The following SEMA3E variants were observed in gnomAD, a reference collection of about 807,000 sequenced individuals.
The protein encoded by SEMA3E is semaphorin-3E.
SEMA3E carries 49 observed loss-of-function variants against 93.6 expected under a neutral mutation model. The observed-to-expected ratio is 0.52, with a 90% CI of 0.42 to 0.66. SEMA3E has a LOEUF of 0.66. SEMA3E is among the 30% of genes least tolerant of loss of function. The probability of loss-of-function intolerance (pLI) is 0.00; values close to 1 mark genes in which losing one functional copy is unlikely to be tolerated. For missense variants in SEMA3E, 906 were observed against 964.8 expected, an observed-to-expected ratio of 0.94 and a Z score of 0.81; for synonymous variants, 363 against 330.7, an observed-to-expected ratio of 1.10 and a Z score of -1.06.
chr7:83,479,232 C>G (rs116494896), intron 2 of SEMA3E, among the ~76,000 whole-genome samples: 1 of 152,136 alleles, frequency 6.6e-6, no homozygotes, highest in Non-Finnish European at 1.5e-5. Context: ...TTTCTCTGTT[C>G]TCACTCTCAA....
chr7:83,582,463 C>T (rs1403042101), intron 1 of SEMA3E, among the ~76,000 whole-genome samples: 2 of 152,016 alleles, frequency 1.3e-5, no homozygotes, highest in Non-Finnish European at 2.9e-5. Flanking sequence ...GATGGTAAAC[C>T]ACTCTTTTCC....
intron 1 of SEMA3E, among the ~76,000 whole-genome samples, chr7:83,557,916 T>C (rs1294468104): frequency 6.6e-6 from 1 of 152,124 alleles, no homozygotes; most frequent in African/African-American, 2.4e-5. Context: ...TTCCAAAATA[T>C]TTAGCTTCTC....
chr7:83,370,932 C>A (rs17157549), intron 16 of SEMA3E, among the ~76,000 whole-genome samples: 9,038 of 152,128 alleles, frequency 0.059, 890 homozygotes, highest in African/African-American at 0.21. Flanking sequence ...CTATTTCTTG[C>A]CTGAGCAGTA....
chr7:83,629,337 T>C (rs1793739506), intron 1 of SEMA3E, among the ~76,000 whole-genome samples: 1 of 152,164 alleles, frequency 6.6e-6, no homozygotes, highest in Non-Finnish European at 1.5e-5. Context: ...TCAAGCGCTG[T>C]GCTGGTAGAG....
intron 14 of SEMA3E, among the ~76,000 whole-genome samples, chr7:83,391,759 G>C (rs1463199250): frequency 1.3e-5 from 2 of 152,048 alleles, no homozygotes; most frequent in Non-Finnish European, 2.9e-5. Flanking sequence ...AATGTTTACA[G>C]AAAAGTAACC....
At chr7:83,551,183 G>A (rs370485846) in intron 1 of SEMA3E, among the ~76,000 whole-genome samples, 364 of 152,016 alleles carry the variant, frequency 2.4e-3, no homozygotes, top group African/African-American at 8.6e-3. Context: ...ACACACTAAA[G>A]AAATGGTTTT....
At chr7:83,485,900 A>G (rs1355091687) in intron 2 of SEMA3E, among the ~76,000 whole-genome samples, 1 of 152,130 alleles carries the variant, frequency 6.6e-6, no homozygotes, top group Non-Finnish European at 1.5e-5. Context: ...CCTTTTCTGT[A>G]TGAAATGTTA....
chr7:83,641,541 T>A, intron 1 of SEMA3E: 2 of 206,282 alleles, frequency 9.7e-6, no homozygotes, highest in Non-Finnish European at 1.7e-5. Context: ...ATTTGGTCTG[T>A]TGTCTCCAAG....
chr7:83,436,199 C>T (rs571255658), intron 4 of SEMA3E, among the ~76,000 whole-genome samples: 52 of 151,438 alleles, frequency 3.4e-4, no homozygotes, highest in Middle Eastern at 3.4e-3. Context: ...TACACACACA[C>T]GCATACATAT....
chr7:83,515,916 A>G (rs1790918357), intron 1 of SEMA3E, among the ~76,000 whole-genome samples: 1 of 152,142 alleles, frequency 6.6e-6, no homozygotes, highest in Non-Finnish European at 1.5e-5. Context: ...AGTCCCAGCT[A>G]CTTGGGAGGC....
intron 7 of SEMA3E, among the ~76,000 whole-genome samples, chr7:83,406,635 T>C (rs984264509): frequency 1.3e-5 from 2 of 152,098 alleles, no homozygotes; most frequent in African/African-American, 4.8e-5. Flanking sequence ...TCTCTCAATA[T>C]ATGTTGCTAC....
chr7:83,365,699 C>T lies in SEMA3E; in HGVS notation c.*1887G>A, dbSNP rs1013118252. The T allele has an allele frequency of 6.6e-6, 1 of 152,058 alleles. No homozygotes were observed. The highest frequency in any genetic ancestry group is 1.5e-5 in the Non-Finnish European group (1 of 67,992). The allele number at this position is 152,058 out of a possible 1,614,324, so 9.4% of individuals were successfully genotyped here. A position where few individuals can be genotyped will look rare whatever the true frequency, so the allele number is the denominator to read the frequency against. On this transcript the variant is annotated 3_prime_UTR_variant, in exon 17 of 17. Transcript: ENST00000643230. ...ATGATAACTATTTATGTCTTATCTG[C>T]CTTTTTAATTTTAAAATTCAGATAC...
chr7:83,454,555 C>A (rs1257176026), intron 4 of SEMA3E, among the ~76,000 whole-genome samples: 5 of 151,818 alleles, frequency 3.3e-5, no homozygotes, highest in Admixed American at 1.3e-4. Flanking sequence ...CTTTTTGAAC[C>A]TCAAAAACTT....
At chr7:83,587,594 C>A (rs1274618008) in intron 1 of SEMA3E, among the ~76,000 whole-genome samples, 1 of 151,934 alleles carries the variant, frequency 6.6e-6, no homozygotes, top group African/African-American at 2.4e-5. Context: ...GGCCTGTAAT[C>A]TCAGCACTTA....
At chr7:83,395,719 C>T (rs1562761748) in intron 12 of SEMA3E, among the ~76,000 whole-genome samples, 1 of 152,084 alleles carries the variant, frequency 6.6e-6, no homozygotes, top group Admixed American at 6.6e-5. Flanking sequence ...CGCTGAAGTG[C>T]TGTTTAATGT....
chr7:83,508,513 C>T (rs902890299), intron 1 of SEMA3E, among the ~76,000 whole-genome samples: 5 of 152,050 alleles, frequency 3.3e-5, no homozygotes, highest in African/African-American at 4.8e-5. Flanking sequence ...CTGCCCACCT[C>T]GGCCTCCCAA....
chr7:83,552,084 T>A (rs181165023), intron 1 of SEMA3E, among the ~76,000 whole-genome samples: 2 of 152,208 alleles, frequency 1.3e-5, no homozygotes, highest in East Asian at 3.9e-4. Context: ...CTGAAAAACA[T>A]ATATACTCCC....
intron 1 of SEMA3E, among the ~76,000 whole-genome samples, chr7:83,631,262 T>A (rs3801575): frequency 0.32 from 48,075 of 152,002 alleles, 9,036 homozygotes; most frequent in African/African-American, 0.51. Context: ...TCATTTACTA[T>A]AAGTCTGTAA....
intron 1 of SEMA3E, among the ~76,000 whole-genome samples, chr7:83,642,311 G>A (rs1020973701): frequency 2.6e-4 from 40 of 152,230 alleles, no homozygotes; most frequent in African/African-American, 9.1e-4. Context: ...CCTGAAATAG[G>A]TGTTAGAACT....
Sources: gnomAD v4.1 joint callset for allele counts (sites outside exome capture counted in the v4.1 genomes callset) on GRCh38, gnomAD v4.1.1 for gene constraint, MANE v1.5 for transcripts, NCBI Gene and HGNC (gene_info 2026-07-23, HGNC 2026-07-21) for gene names.